Variants in KIF27 observed in about 807,000 individuals in gnomAD.
The protein encoded by KIF27 is kinesin family member 27.
In KIF27, 84 loss-of-function variants were observed where a neutral mutation model predicts 141.8. The ratio of observed to expected loss-of-function variants is 0.59; its 90% CI spans 0.50 to 0.71. KIF27 has a LOEUF of 0.71. KIF27 is among the 30% of genes least tolerant of loss of function. The probability of loss-of-function intolerance (pLI) is 0.00; values close to 1 mark genes in which losing one functional copy is unlikely to be tolerated. For synonymous variants in KIF27, 471 were observed against 569.5 expected (o/e 0.83, Z 2.46); for missense variants, 1,306 against 1,628.4 (o/e 0.80, Z 3.41).
In KIF27 at chr9:83,903,585, C is replaced by T. The variant is rs548369061; in HGVS notation, c.933G>A (p.Lys311=). 1 of 1,614,170 alleles carries T rather than the reference C, an allele frequency of 6.2e-7. No individual in the cohort carries two copies. The highest frequency in any genetic ancestry group is 1.3e-5 in the African/African-American group (1 of 75,036). ...GGCTGACACATGTGATCATGACAGT[C>T]TTAGCACTGCCTCCCAGAGAATCTT... The part of the protein sequence containing the change: ...LLKDSLGGSA[K]TVMITCVSPS... The change falls in exon 4 of 18, where the codon AAG becomes AAA. Residue 311 remains lysine (K), a synonymous_variant. Transcript: ENST00000297814.
chr9:83,901,575 A>G (rs960829447), intron 4 of KIF27, among the ~76,000 whole-genome samples: 10 of 152,184 alleles, frequency 6.6e-5, no homozygotes, highest in Non-Finnish European at 1.2e-4. Context: ...TACTCTTACT[A>G]AAATTTTTTT....
chr9:83,885,382 C>T (rs1411616500), intron 9 of KIF27, among the ~76,000 whole-genome samples: 4 of 152,128 alleles, frequency 2.6e-5, no homozygotes, highest in Non-Finnish European at 4.4e-5. Context: ...CGTGAGCCAC[C>T]GTGCCCAGCC....
intron 3 of KIF27, among the ~76,000 whole-genome samples, chr9:83,904,305 C>T (rs1459814347): frequency 3.3e-5 from 5 of 152,158 alleles, no homozygotes; most frequent in Non-Finnish European, 7.3e-5. Flanking sequence ...CACTCAATTC[C>T]TTAAAATGAC....
chr9:83,863,228 G>A (rs1224341235), intron 13 of KIF27, among the ~76,000 whole-genome samples: 1 of 152,168 alleles, frequency 6.6e-6, no homozygotes, highest in East Asian at 1.9e-4. Flanking sequence ...TAGGAGTGGT[G>A]AGAGAGGGCA....
At chr9:83,884,224 C>A (rs566217751) in intron 9 of KIF27, among the ~76,000 whole-genome samples, 65 of 152,186 alleles carry the variant, frequency 4.3e-4, no homozygotes, top group Admixed American at 1.8e-3. Context: ...ATGACTGTTC[C>A]CATCTGCTGC....
chr9:83,870,311 C>T (rs549648117), intron 12 of KIF27, among the ~76,000 whole-genome samples: 8 of 152,208 alleles, frequency 5.3e-5, no homozygotes, highest in East Asian at 1.9e-4. Flanking sequence ...GGATTACAAG[C>T]GCCTGCCACC....
rs750151564 is a variant in KIF27, at chr9:83,903,549, C to T, written c.969G>A (p.Ser323=). The T allele has an allele frequency of 1.3e-4, 202 of 1,614,000 alleles. No homozygotes were observed. The highest frequency in any genetic ancestry group is 1.6e-4 in the Middle Eastern group (1 of 6,084). The change falls in exon 4 of 18, where the codon TCG becomes TCA. Residue 323 remains serine, a synonymous_variant. Transcript: ENST00000297814. The part of the protein sequence containing the change: ...VMITCVSPSS[S]NFDESLNSLK... ...GAGAATTTAAGGACTCATCAAAATTCGAGGAGGAGGGGCTGACACATGTGA... is the reference window on the plus strand; with the variant it reads ...GAGAATTTAAGGACTCATCAAAATTTGAGGAGGAGGGGCTGACACATGTGA...
intron 11 of KIF27, among the ~76,000 whole-genome samples, chr9:83,878,744 G>A (rs1951432095): frequency 6.6e-6 from 1 of 152,154 alleles, no homozygotes; most frequent in African/African-American, 2.4e-5. Flanking sequence ...CAAGAGCTGG[G>A]GGAAGGGGAA....
chr9:83,863,440 G>T (rs1306398277), intron 13 of KIF27, among the ~76,000 whole-genome samples: 18 of 152,124 alleles, frequency 1.2e-4, no homozygotes, highest in Admixed American at 1.2e-3. Context: ...TAATCATGTG[G>T]TTTTTGTCTT....
chr9:83,879,974 T>A (rs1951541498), intron 11 of KIF27: 2 of 482,386 alleles, frequency 4.1e-6, no homozygotes, highest in Non-Finnish European at 7.3e-6. Flanking sequence ...CAGAAAATCC[T>A]ATTCAAATGA....
chr9:83,847,722 G>C (rs1382283968), intron 16 of KIF27: 1 of 152,064 alleles, frequency 6.6e-6, no homozygotes, highest in Admixed American at 6.6e-5. Context: ...AGCTGCCAAT[G>C]AATATAAAGC....
chr9:83,864,228 T>G (rs892089840), intron 13 of KIF27, among the ~76,000 whole-genome samples: 37 of 152,234 alleles, frequency 2.4e-4, no homozygotes, highest in African/African-American at 8.2e-4. Context: ...TTTGAATGTG[T>G]TTGCTCTTGC....
intron 2 of KIF27, among the ~76,000 whole-genome samples, chr9:83,909,716 G>A (rs1564006557): frequency 6.6e-6 from 1 of 152,096 alleles, no homozygotes; most frequent in Non-Finnish European, 1.5e-5. Context: ...GGTAGATATG[G>A]TAGAAATGTA....
Position 83,834,662 on chromosome 9 carries a change from C to T in KIF27, c.*2339G>A, listed in dbSNP as rs1436800876. On this transcript the variant is annotated 3_prime_UTR_variant, in exon 18 of 18. Transcript: ENST00000297814. ...TCTTAAATGAATTATTCCTAAATAA[C>T]GCATAGCACATTACTTAATCTTATA... 6.6e-6 allele frequency among the ~76,000 whole-genome samples: 1 copy of T among 151,582 alleles called. No individual in the cohort carries two copies.
intron 13 of KIF27, among the ~76,000 whole-genome samples, chr9:83,865,027 G>C (rs1950242027): frequency 6.6e-6 from 1 of 151,880 alleles, no homozygotes; most frequent in Non-Finnish European, 1.5e-5. Context: ...CCATTTGCTT[G>C]GTATATCTTC....
rs545345485 is a variant in KIF27 at position 83,918,391 on chromosome 9, A to C, written c.-87-2713T>G. On this transcript the variant is annotated intron_variant, in intron 1 of 17. Transcript: ENST00000297814. Reference sequence around the variant, plus strand: ...AGGAAAAACGACATCAAAATTAAAAACTTTGTGCCTCGAAGGAAACTACCA... The same window carrying C: ...AGGAAAAACGACATCAAAATTAAAACCTTTGTGCCTCGAAGGAAACTACCA... Among the ~76,000 whole-genome samples the C allele has an allele frequency of 2.6e-5, 4 of 152,216 alleles. No homozygotes were observed. In the East Asian group the frequency reaches 7.7e-4, roughly 29 times the overall value.
chr9:83,878,005 A>C (rs1951340650), intron 11 of KIF27, among the ~76,000 whole-genome samples: 1 of 151,848 alleles, frequency 6.6e-6, no homozygotes, highest in Non-Finnish European at 1.5e-5. Flanking sequence ...TCTACTAAAA[A>C]TACAAAAAAT....
At chr9:83,896,051 C>CAAAAAAA (rs35504224) in intron 5 of KIF27, among the ~76,000 whole-genome samples, 350 of 54,206 alleles carry the variant, frequency 6.5e-3, no homozygotes, top group Middle Eastern at 0.019. Flanking sequence ...GACTCTGTCT[C>CAAAAAAA]AAAAAAAAAA....
intron 11 of KIF27, among the ~76,000 whole-genome samples, chr9:83,874,972 T>C (rs1588121327): frequency 7.5e-6 from 1 of 132,458 alleles, no homozygotes; most frequent in Non-Finnish European, 1.6e-5. Flanking sequence ...GATAAGAAGG[T>C]AAAAGTTTGA....
Sources: gnomAD v4.1 joint callset for allele counts (sites outside exome capture counted in the v4.1 genomes callset) on GRCh38, gnomAD v4.1.1 for gene constraint, MANE v1.5 for transcripts, NCBI Gene and HGNC (gene_info 2026-07-23, HGNC 2026-07-21) for gene names.